The following SEL1L variants were observed in gnomAD, a reference collection of about 807,000 sequenced individuals.
SEL1L encodes SEL1L adaptor subunit of SYVN1 ubiquitin ligase.
SEL1L carries 52 observed loss-of-function variants against 109.8 expected under a neutral mutation model. That is an observed-to-expected ratio of 0.47 (90% CI 0.38 to 0.60). The LOEUF is 0.60. SEL1L is among the 20% of genes least tolerant of loss of function. SEL1L has a pLI of 0.00. For missense variants in SEL1L, 749 were observed against 962.2 expected (o/e 0.78, Z 2.93); for synonymous variants, 373 against 339.6 (o/e 1.10, Z -1.08).
At position 81,484,414 on chromosome 14, in the gene SEL1L, A is replaced by G. The variant is rs995698877; in HGVS notation, c.1874-17T>C. 2 of 1,594,860 alleles carry G rather than the reference A, an allele frequency of 1.3e-6. No individual in the cohort carries two copies. The highest frequency in any genetic ancestry group is 1.7e-5 in the Admixed American group (1 of 59,314). On this transcript the variant is annotated splice_polypyrimidine_tract_variant and intron_variant, in intron 18 of 20. Transcript: ENST00000336735. Reference sequence around the variant, plus strand: ...CAGTATAGCCTTAAACAAAAGTTAAATGCAGAACTGCCAATAAATAAAGTA... The same window carrying G: ...CAGTATAGCCTTAAACAAAAGTTAAGTGCAGAACTGCCAATAAATAAAGTA...
At chr14:81,514,779 T>C (rs567299703) in intron 3 of SEL1L, among the ~76,000 whole-genome samples, 10 of 152,252 alleles carry the variant, frequency 6.6e-5, no homozygotes, top group Admixed American at 3.3e-4. Context: ...CCTAAGCCAT[T>C]GGGACCAATT....
At chr14:81,503,836 A>T (rs1265356774) in intron 5 of SEL1L, among the ~76,000 whole-genome samples, 2 of 152,162 alleles carry the variant, frequency 1.3e-5, no homozygotes, top group African/African-American at 4.8e-5. Flanking sequence ...CAAATTCCTA[A>T]ATTCCAGTCA....
At chr14:81,500,097 G>A (rs1017435169) in intron 6 of SEL1L, among the ~76,000 whole-genome samples, 41 of 150,936 alleles carry the variant, frequency 2.7e-4, no homozygotes, top group African/African-American at 9.3e-4. Flanking sequence ...TTTTGGTAGA[G>A]ACAGGGTTTC....
chr14:81,495,673 A>G (rs1883717222), intron 10 of SEL1L, among the ~76,000 whole-genome samples: 1 of 152,124 alleles, frequency 6.6e-6, no homozygotes, highest in Non-Finnish European at 1.5e-5. Flanking sequence ...CGATGGGCTC[A>G]TGCCTGTAAT....
At chr14:81,511,890 G>C (rs1213801707) in intron 3 of SEL1L, among the ~76,000 whole-genome samples, 1 of 152,148 alleles carries the variant, frequency 6.6e-6, no homozygotes, top group Non-Finnish European at 1.5e-5. Context: ...CAAACAGTAA[G>C]AAAGTATACA....
intron 3 of SEL1L, among the ~76,000 whole-genome samples, chr14:81,508,000 T>C (rs1246680979): frequency 2.0e-5 from 3 of 152,200 alleles, no homozygotes; most frequent in Non-Finnish European, 4.4e-5. Flanking sequence ...TAACAGTCCT[T>C]ATTGTTTGCA....
intron 1 of SEL1L, among the ~76,000 whole-genome samples, chr14:81,531,016 C>T (rs1885300293): frequency 6.6e-6 from 1 of 152,170 alleles, no homozygotes; most frequent in African/African-American, 2.4e-5. Context: ...AGGGCACTTA[C>T]CATAAATGGA....
At chr14:81,487,744 T>C (rs534148994) in intron 15 of SEL1L, 111 bp downstream of exon 15, 4 of 1,536,552 alleles carry the variant, frequency 2.6e-6, no homozygotes, top group Non-Finnish European at 3.5e-6. Flanking sequence ...TGGGAGAACA[T>C]TTAACCAGCC....
At chr14:81,491,577 T>G (rs979542394) in intron 12 of SEL1L, among the ~76,000 whole-genome samples, 7 of 152,236 alleles carry the variant, frequency 4.6e-5, no homozygotes, top group Non-Finnish European at 8.8e-5. Flanking sequence ...AGGCAAATCA[T>G]GATGAAATTT....
intron 3 of SEL1L, among the ~76,000 whole-genome samples, chr14:81,509,939 A>G (rs2140031378): frequency 6.6e-6 from 1 of 152,322 alleles, no homozygotes; most frequent in African/African-American, 2.4e-5. Flanking sequence ...CTGATAGGAA[A>G]CTGGGTAAAT....
chr14:81,514,363 C>T (rs1884612341), intron 3 of SEL1L, among the ~76,000 whole-genome samples: 1 of 152,204 alleles, frequency 6.6e-6, no homozygotes, highest in African/African-American at 2.4e-5. Flanking sequence ...GGGTATGGCC[C>T]TCCACTTCAT....
At chr14:81,526,662 T>C in intron 3 of SEL1L, 71 bp downstream of exon 3, 1 of 1,135,566 alleles carries the variant, frequency 8.8e-7, no homozygotes, top group Non-Finnish European at 1.3e-6. Context: ...CTTCAGCCTC[T>C]TTATTCATTA....
At chr14:81,520,046 G>C (rs1265525767) in intron 3 of SEL1L, among the ~76,000 whole-genome samples, 1 of 152,118 alleles carries the variant, frequency 6.6e-6, no homozygotes, top group Non-Finnish European at 1.5e-5. Flanking sequence ...TTGAGTTTGA[G>C]AAAGATTAAT....
At chr14:81,531,761 T>C (rs1009044405) in intron 1 of SEL1L, among the ~76,000 whole-genome samples, 2 of 152,120 alleles carry the variant, frequency 1.3e-5, no homozygotes, top group African/African-American at 4.8e-5. Context: ...CAGGTTGGTC[T>C]TGAACTCCTG....
chr14:81,491,298 G>C (rs891372434), intron 12 of SEL1L, among the ~76,000 whole-genome samples: 2 of 152,162 alleles, frequency 1.3e-5, no homozygotes, highest in African/African-American at 4.8e-5. Context: ...AACAATTAGA[G>C]CATCAGGTAT....
At chr14:81,482,915 G>A (rs1350655058) in intron 19 of SEL1L, among the ~76,000 whole-genome samples, 1 of 152,126 alleles carries the variant, frequency 6.6e-6, no homozygotes, top group Non-Finnish European at 1.5e-5. Context: ...ATAAGTCTTG[G>A]TAAAGCCTTT....
intron 3 of SEL1L, among the ~76,000 whole-genome samples, chr14:81,518,630 A>G (rs1363798532): frequency 1.3e-5 from 2 of 149,310 alleles, no homozygotes; most frequent in African/African-American, 2.5e-5. Flanking sequence ...ACTGCACTCC[A>G]ACCTGGGGGA....
At chr14:81,502,156 C>A (rs1268507816) in intron 6 of SEL1L, among the ~76,000 whole-genome samples, 3 of 151,844 alleles carry the variant, frequency 2.0e-5, no homozygotes, top group African/African-American at 7.3e-5. Flanking sequence ...AGTTCCAGAA[C>A]AATAGACAGT....
intron 3 of SEL1L, among the ~76,000 whole-genome samples, chr14:81,519,757 T>C (rs1884837893): frequency 6.6e-6 from 1 of 152,190 alleles, no homozygotes; most frequent in African/African-American, 2.4e-5. Context: ...AAACCTACAT[T>C]TATTTTTAAG....
Sources: allele counts gnomAD v4.1 joint callset (sites outside exome capture counted in the v4.1 genomes callset), GRCh38; gene constraint gnomAD v4.1.1; transcripts MANE v1.5; gene names NCBI Gene and HGNC (gene_info 2026-07-23, HGNC 2026-07-21).